The following ZNF385D variants were observed in gnomAD, a reference collection of about 807,000 sequenced individuals.
The protein encoded by ZNF385D is zinc finger protein 659.
ZNF385D carries 15 observed loss-of-function variants against 35.8 expected under a neutral mutation model. The ratio of observed to expected loss-of-function variants is 0.42; its 90% CI spans 0.28 to 0.64. ZNF385D has a LOEUF of 0.64. Among genes scored for constraint, ZNF385D ranks in the 30% least tolerant of loss-of-function variants. ZNF385D has a pLI of 0.23. For missense variants in ZNF385D, 474 were observed against 494.6 expected (o/e 0.96, Z 0.39); for synonymous variants, 212 against 186.8 (o/e 1.13, Z -1.10).
intron 2 of ZNF385D, among the ~76,000 whole-genome samples, chr3:22,179,910 A>C (rs964107964): frequency 1.3e-5 from 2 of 152,218 alleles, no homozygotes; most frequent in Non-Finnish European, 2.9e-5. Flanking sequence ...TTCAAAAGCT[A>C]GCAGAAGGCA....
chr3:21,925,207 A>C (rs1441574006), intron 3 of ZNF385D, among the ~76,000 whole-genome samples: 1 of 152,152 alleles, frequency 6.6e-6, no homozygotes, highest in African/African-American at 2.4e-5. Flanking sequence ...ATTTTGAAAA[A>C]GAAAAAGTGG....
At chr3:21,874,239 T>C (rs547113008) in intron 3 of ZNF385D, among the ~76,000 whole-genome samples, 1 of 152,198 alleles carries the variant, frequency 6.6e-6, no homozygotes, top group African/African-American at 2.4e-5. Context: ...TTTGCATTTT[T>C]CTGATGTTTA....
At chr3:21,979,827 C>T (rs1368527945) in intron 3 of ZNF385D, 1 of 152,130 alleles carries the variant, frequency 6.6e-6, no homozygotes, top group African/African-American at 2.4e-5. Context: ...TGTTTCAAAA[C>T]ATTGTATGAG....
intron 2 of ZNF385D, among the ~76,000 whole-genome samples, chr3:21,620,514 A>G (rs369596776): frequency 6.6e-5 from 10 of 152,162 alleles, no homozygotes; most frequent in South Asian, 2.1e-4. Flanking sequence ...GTATCCTTCA[A>G]TGCAGACTGG....
chr3:22,232,014 G>A (rs1698922694), intron 2 of ZNF385D, among the ~76,000 whole-genome samples: 1 of 152,082 alleles, frequency 6.6e-6, no homozygotes, highest in African/African-American at 2.4e-5. Flanking sequence ...CCCCCCAAAA[G>A]GAGAAGCCAC....
At chr3:22,072,508 A>G (rs2064467561) in intron 3 of ZNF385D, among the ~76,000 whole-genome samples, 1 of 152,128 alleles carries the variant, frequency 6.6e-6, no homozygotes, top group African/African-American at 2.4e-5. Context: ...TGAAAGAAGT[A>G]TTATACTTAC....
intron 1 of ZNF385D, among the ~76,000 whole-genome samples, chr3:21,666,636 T>C (rs1027022406): frequency 5.3e-5 from 8 of 152,210 alleles, no homozygotes; most frequent in Admixed American, 3.3e-4. Context: ...TGGTAGTGTA[T>C]TGAGTGTGAG....
At chr3:21,859,523 G>A (rs1696924226) in intron 3 of ZNF385D, among the ~76,000 whole-genome samples, 1 of 151,946 alleles carries the variant, frequency 6.6e-6, no homozygotes, top group African/African-American at 2.4e-5. Flanking sequence ...AGAGGCCCGT[G>A]GAATAGAGAG....
At chr3:22,184,469 A>C (rs879046027) in intron 2 of ZNF385D, among the ~76,000 whole-genome samples, 2 of 152,162 alleles carry the variant, frequency 1.3e-5, no homozygotes, top group Admixed American at 1.3e-4. Flanking sequence ...AAACTTTTGC[A>C]TTTGATGATG....
chr3:21,422,642 C>T (rs1436488342), intron 7 of ZNF385D, among the ~76,000 whole-genome samples: 10 of 152,312 alleles, frequency 6.6e-5, no homozygotes, highest in Non-Finnish European at 1.0e-4. Flanking sequence ...TTATCCACCA[C>T]AATCATTTTG....
intron 3 of ZNF385D, among the ~76,000 whole-genome samples, chr3:22,100,709 G>A (rs779191): frequency 0.11 from 16,927 of 149,322 alleles, 1,250 homozygotes; most frequent in Middle Eastern, 0.2. Context: ...GGAAAGGATA[G>A]CAATGGGAGA....
intron 2 of ZNF385D, among the ~76,000 whole-genome samples, chr3:22,249,773 T>C (rs190084805): frequency 1.1e-4 from 17 of 152,318 alleles, no homozygotes; most frequent in Non-Finnish European, 2.1e-4. Flanking sequence ...CTTCTAACTG[T>C]TGAAAGCTAA....
intron 3 of ZNF385D, among the ~76,000 whole-genome samples, chr3:21,932,322 A>G (rs1701053988): frequency 6.6e-6 from 1 of 152,108 alleles, no homozygotes; most frequent in African/African-American, 2.4e-5. Context: ...TAAATCTAGA[A>G]CTAAGGAAAA....
chr3:21,957,380 T>C (rs879629497), intron 3 of ZNF385D, among the ~76,000 whole-genome samples: 17 of 152,202 alleles, frequency 1.1e-4, no homozygotes, highest in Admixed American at 1.1e-3. Flanking sequence ...ATTGGAGCGC[T>C]CAGAAAAAGA....
chr3:21,613,055 C>A (rs1490613739), intron 2 of ZNF385D, among the ~76,000 whole-genome samples: 5 of 148,858 alleles, frequency 3.4e-5, no homozygotes, highest in African/African-American at 1.2e-4. Flanking sequence ...GTGCTAGGCT[C>A]GTTACTTTTT....
chr3:22,228,304 G>A (rs1698682652), intron 2 of ZNF385D, among the ~76,000 whole-genome samples: 2 of 152,194 alleles, frequency 1.3e-5, no homozygotes, highest in African/African-American at 4.8e-5. Flanking sequence ...AGTGGCCATA[G>A]CACTGCCACC....
At chr3:21,486,051 T>C (rs1177395609) in intron 4 of ZNF385D, among the ~76,000 whole-genome samples, 1 of 139,054 alleles carries the variant, frequency 7.2e-6, no homozygotes, top group Admixed American at 7.6e-5. Context: ...TAACACAGGA[T>C]CCTGTGTTAG....
intron 2 of ZNF385D, among the ~76,000 whole-genome samples, chr3:22,238,594 C>T (rs1196148514): frequency 6.6e-6 from 1 of 150,662 alleles, no homozygotes; most frequent in Non-Finnish European, 1.5e-5. Flanking sequence ...TTTTTCATTG[C>T]TGGTGCATAG....
chr3:22,048,794 AT>A (rs1699167427), intron 3 of ZNF385D, among the ~76,000 whole-genome samples: 1 of 152,176 alleles, frequency 6.6e-6, no homozygotes, highest in African/African-American at 2.4e-5. Context: ...TGTCATTGGA[AT>A]TTTGATAGTG....
Sources: allele counts gnomAD v4.1 joint callset (sites outside exome capture counted in the v4.1 genomes callset), GRCh38; gene constraint gnomAD v4.1.1; transcripts MANE v1.5; gene names NCBI Gene and HGNC (gene_info 2026-07-23, HGNC 2026-07-21).